The following ZFAT variants were observed in gnomAD, a reference collection of about 807,000 sequenced individuals.
The protein encoded by ZFAT is zinc finger and AT-hook domain containing.
ZFAT carries 64 observed loss-of-function variants against 117.7 expected under a neutral mutation model. That is an observed-to-expected ratio of 0.54 (90% CI 0.44 to 0.67). The LOEUF (loss-of-function observed/expected upper bound fraction) is 0.67. Among genes scored for constraint, ZFAT ranks in the 30% least tolerant of loss-of-function variants. The pLI is 0.00. For missense variants in ZFAT, 1,433 were observed against 1,584.5 expected, an observed-to-expected ratio of 0.90 and a Z score of 1.62; for synonymous variants, 679 against 615.0, an observed-to-expected ratio of 1.10 and a Z score of -1.54.
intron 13 of ZFAT, among the ~76,000 whole-genome samples, chr8:134,517,808 A>T (rs544371958): frequency 9.2e-5 from 14 of 152,222 alleles, no homozygotes; most frequent in Non-Finnish European, 1.9e-4. Flanking sequence ...CATCATTTGG[A>T]TTTGTCCAAT....
chr8:134,778,455 G>T, the ZFAT span, among the ~76,000 whole-genome samples: 7 of 152,100 alleles, frequency 4.6e-5, no homozygotes, highest in African/African-American at 1.7e-4. Flanking sequence ...TAAGGCACTG[G>T]GACACTTCAC....
the ZFAT span, among the ~76,000 whole-genome samples, chr8:134,804,570 C>A: frequency 6.6e-6 from 1 of 152,128 alleles, no homozygotes; most frequent in African/African-American, 2.4e-5. Context: ...TGTTAAACTC[C>A]AGCCTACTTG....
rs143236314 is a variant in ZFAT, at chr8:134,554,944, A to G, written c.2976+10389T>C. On this transcript the variant is annotated intron_variant, in intron 11 of 15. Coordinates refer to ENST00000377838, the MANE Select transcript of ZFAT (RefSeq NM_020863.4). The stretch of plus-strand genomic sequence containing the variant: ...CAGACCCAGACCCAGCTCAACTACA[A>G]ATGAGATTTATTCATTCTTGAGTTG... 3.0e-3 allele frequency among the ~76,000 whole-genome samples: 452 copies of G among 152,286 alleles called. 3 individuals carry two copies. Among genetic ancestry groups the G allele is most frequent in the African/African-American group, 0.01 (429 of 41,558 alleles).
the ZFAT span, among the ~76,000 whole-genome samples, chr8:134,788,089 T>A: frequency 6.6e-6 from 1 of 152,188 alleles, no homozygotes; most frequent in Admixed American, 6.5e-5. Context: ...TGTTAAACAG[T>A]AGAGGTTATT....
chr8:134,727,521 T>C, the ZFAT span, among the ~76,000 whole-genome samples: 8 of 152,198 alleles, frequency 5.3e-5, no homozygotes, highest in African/African-American at 1.7e-4. Context: ...TTCTACAAAC[T>C]CTGAAGTATA....
chr8:134,719,205 G>C, the ZFAT span, among the ~76,000 whole-genome samples: 1 of 152,344 alleles, frequency 6.6e-6, no homozygotes, highest in African/African-American at 2.4e-5. Flanking sequence ...TGCCTTTTCA[G>C]AGAAGAAGGG....
the ZFAT span, among the ~76,000 whole-genome samples, chr8:134,813,452 T>C: frequency 2.0e-5 from 3 of 152,212 alleles, no homozygotes; most frequent in Non-Finnish European, 4.4e-5. Context: ...TCACTGTTGT[T>C]GCCTAGGCTG....
At chr8:134,695,235 C>T (rs1339814450) in intron 1 of ZFAT, among the ~76,000 whole-genome samples, 3 of 152,202 alleles carry the variant, frequency 2.0e-5, no homozygotes, top group East Asian at 3.9e-4. Flanking sequence ...CCCTCGCAGA[C>T]GCTCTGAGAA....
chr8:134,641,612 A>T (rs1199284501), intron 2 of ZFAT, among the ~76,000 whole-genome samples: 1 of 152,184 alleles, frequency 6.6e-6, no homozygotes, highest in Non-Finnish European at 1.5e-5. Flanking sequence ...CTTTTATGAC[A>T]AACCCTGAGG....
chr8:134,812,402 C>T, the ZFAT span, among the ~76,000 whole-genome samples: 2 of 152,178 alleles, frequency 1.3e-5, no homozygotes, highest in African/African-American at 4.8e-5. Flanking sequence ...GCCAAACTCT[C>T]TGAGAGAACT....
At chr8:134,731,184 A>T in the ZFAT span, among the ~76,000 whole-genome samples, 1 of 152,232 alleles carries the variant, frequency 6.6e-6, no homozygotes, top group African/African-American at 2.4e-5. Flanking sequence ...GAAAACTAGC[A>T]GTTTTTAATA....
At chr8:134,820,156 G>C in the ZFAT span, among the ~76,000 whole-genome samples, 1 of 152,180 alleles carries the variant, frequency 6.6e-6, no homozygotes, top group Non-Finnish European at 1.5e-5. Flanking sequence ...TTTAAAAAAG[G>C]TGATTTGAAT....
chr8:134,547,535 TGC>T lies in ZFAT; in HGVS notation c.2977-14565_2977-14564del, dbSNP rs530782802. Among the ~76,000 whole-genome samples, 1,059 of 152,320 alleles carry T rather than the reference TGC, an allele frequency of 7.0e-3. 5 individuals carry two copies. Among genetic ancestry groups the T allele is most frequent in the Middle Eastern group, 0.02 (6 of 294 alleles). ...AACTGTCCACAGAACTACCAAACACTGCAGGTCAGAGTTAACACCACTGCAGT... is the reference window on the plus strand; with the variant it reads ...AACTGTCCACAGAACTACCAAACACTAGGTCAGAGTTAACACCACTGCAGT... On this transcript the variant is annotated intron_variant, in intron 11 of 15. Coordinates refer to ENST00000377838, the MANE Select transcript of ZFAT (RefSeq NM_020863.4).
chr8:134,734,347 T>C, the ZFAT span, among the ~76,000 whole-genome samples: 3 of 152,252 alleles, frequency 2.0e-5, no homozygotes, highest in Non-Finnish European at 2.9e-5. Flanking sequence ...TTGTGACCAG[T>C]CTTTATTTTT....
At position 134,712,945 on chromosome 8, in the gene ZFAT, C is replaced by T; in HGVS notation, c.-82G>A. ...GTGCCGACCGAGGGGGCGGGGCGCC[C>T]TGCTGACGCTTCGCTTTTTATTTTT... On this transcript the variant is annotated 5_prime_UTR_variant, in exon 1 of 16. Transcript: ENST00000377838. The T allele has an allele frequency of 7.1e-7, 1 of 1,404,092 alleles. No homozygotes were observed. 87.0% of individuals were successfully genotyped at this position (1,404,092 alleles called of 1,614,324 possible). A position where few individuals can be genotyped will look rare whatever the true frequency, so the allele number is the denominator to read the frequency against.
intron 12 of ZFAT, among the ~76,000 whole-genome samples, chr8:134,532,578 T>C (rs1364576326): frequency 6.6e-6 from 1 of 152,190 alleles, no homozygotes; most frequent in Non-Finnish European, 1.5e-5. Context: ...TGGAGGGTAG[T>C]AGAATTTGTG....
intron 10 of ZFAT, among the ~76,000 whole-genome samples, chr8:134,582,555 G>C (rs895227764): frequency 6.6e-6 from 1 of 152,196 alleles, no homozygotes; most frequent in Non-Finnish European, 1.5e-5. Flanking sequence ...CATTATTCAA[G>C]TATGACTGCT....
chr8:134,632,795 TC>T (rs1829975098), intron 3 of ZFAT, among the ~76,000 whole-genome samples: 1 of 151,956 alleles, frequency 6.6e-6, no homozygotes, highest in Non-Finnish European at 1.5e-5. Context: ...GCATATATGA[TC>T]ATTCAAAGGT....
At chr8:134,552,981 C>T (rs1264243656) in intron 11 of ZFAT, among the ~76,000 whole-genome samples, 1 of 152,200 alleles carries the variant, frequency 6.6e-6, no homozygotes, top group Admixed American at 6.5e-5. Flanking sequence ...AAACTTCCTC[C>T]AGTGCTGGGG....
Sources: gnomAD v4.1 joint callset for allele counts (sites outside exome capture counted in the v4.1 genomes callset) on GRCh38, gnomAD v4.1.1 for gene constraint, MANE v1.5 for transcripts, NCBI Gene and HGNC (gene_info 2026-07-23, HGNC 2026-07-21) for gene names.